SCML2: variants seen among roughly 807,000 people sequenced by gnomAD.
SCML2 encodes the protein sex comb on midleg-like protein 2.
Under a neutral mutation model 48.4 loss-of-function variants are expected in SCML2, and 6 were observed. The observed-to-expected ratio is 0.12, with a 90% CI of 0.07 to 0.24. SCML2 has a LOEUF of 0.24. Ranked by LOEUF, SCML2 falls within the 10% of genes least tolerant of loss-of-function variation. The pLI is 1.00. For synonymous variants in SCML2, 181 were observed against 189.5 expected (o/e 0.95, Z 0.37); for missense variants, 377 against 528.2 (o/e 0.71, Z 2.81).
At position 18,354,656 on chromosome X, in the gene SCML2, T is replaced by C. The variant is rs1207266946; in HGVS notation, c.-89A>G. On this transcript the variant is annotated 5_prime_UTR_variant, in exon 1 of 15. Transcript: ENST00000251900. The stretch of plus-strand genomic sequence containing the variant: ...CCGATCGCGCGAGCCGGCACCGAGC[T>C]TCACACCGCCGCCGCCATGTTTGAG... 3.5e-6 allele frequency: 1 copy of C among 285,991 alleles called. No homozygotes were observed. Among genetic ancestry groups the C allele is most frequent in the Non-Finnish European group, 6.1e-6 (1 of 163,412 alleles). The allele number at this position is 285,991 out of a possible 1,213,427, so 23.6% of individuals were successfully genotyped here.
chrX:18,337,525 G>A (rs1929871027), intron 1 of SCML2, among the ~76,000 whole-genome samples: 1 of 110,122 alleles, frequency 9.1e-6, no homozygotes, highest in African/African-American at 3.3e-5. Flanking sequence ...GGATAAAGCC[G>A]GGCATTACAT....
intron 1 of SCML2, among the ~76,000 whole-genome samples, chrX:18,354,136 G>A (rs1030118805): frequency 8.9e-6 from 1 of 112,631 alleles, no homozygotes; most frequent in Non-Finnish European, 1.9e-5. Flanking sequence ...CTTCCGGGCC[G>A]ACGTTTCCCT....
In SCML2 at chrX:18,339,183, G is replaced by A. The variant is rs189685144; in HGVS notation, c.-24-5088C>T. Among the ~76,000 whole-genome samples, 69 of 111,181 alleles carry A rather than the reference G, an allele frequency of 6.2e-4. 1 individual carries two copies. The highest frequency in any genetic ancestry group is 2.2e-3 in the Admixed American group (23 of 10,369). On this transcript the variant is annotated intron_variant, in intron 1 of 14. Transcript: ENST00000251900. ...AAAGAGTTGTTGCTTAACAAAACAG[G>A]AACTCTAAATTAAATTGCTCTTATA...
chrX:18,275,310 G>C (rs948299608), intron 7 of SCML2, among the ~76,000 whole-genome samples: 2 of 112,210 alleles, frequency 1.8e-5, no homozygotes, highest in African/African-American at 6.5e-5. Context: ...CACTCTTTCT[G>C]TCTTCACAGA....
intron 7 of SCML2, among the ~76,000 whole-genome samples, chrX:18,294,081 T>C (rs1336055059): frequency 8.9e-6 from 1 of 111,744 alleles, no homozygotes; most frequent in African/African-American, 3.3e-5. Context: ...ATGCTAAATA[T>C]GTGGGTAAAT....
At chrX:18,287,920 A>G (rs1200828281) in intron 7 of SCML2, among the ~76,000 whole-genome samples, 1 of 111,600 alleles carries the variant, frequency 9.0e-6, no homozygotes, top group Non-Finnish European at 1.9e-5. Flanking sequence ...TATGAAGACT[A>G]TTTTATTTCA....
chrX:18,252,634 T>C (rs768361226), intron 11 of SCML2, among the ~76,000 whole-genome samples: 2 of 112,708 alleles, frequency 1.8e-5, no homozygotes, highest in Non-Finnish European at 3.7e-5. Flanking sequence ...ATAGCAGTCA[T>C]AGGAACTAAT....
At position 18,252,955 on chromosome X, in the gene SCML2, C is replaced by T. The variant is rs140975055; in HGVS notation, c.1456+3893G>A. ...GGCACGCTGAAATCTCTCACAGTCT[C>T]ATGATGCTTAAGAAATAAAGACCCA... On this transcript the variant is annotated intron_variant, in intron 11 of 14. Transcript: ENST00000251900. Among the ~76,000 whole-genome samples, 505 of 111,827 alleles carry T rather than the reference C, an allele frequency of 4.5e-3. 2 individuals carry two copies. Among genetic ancestry groups the T allele is most frequent in the South Asian group, 0.01 (27 of 2,662 alleles).
At chrX:18,297,440 G>A (rs1374261212) in intron 7 of SCML2, among the ~76,000 whole-genome samples, 1 of 111,676 alleles carries the variant, frequency 9.0e-6, no homozygotes, top group Non-Finnish European at 1.9e-5. Context: ...ATTGTGCCTC[G>A]TGGGCTGGCT....
chrX:18,291,629 G>A (rs1016707303), intron 7 of SCML2, among the ~76,000 whole-genome samples: 12 of 111,185 alleles, frequency 1.1e-4, no homozygotes, highest in Admixed American at 6.7e-4. Context: ...TAATTATAAA[G>A]TTTTAAGTGC....
At chrX:18,266,748 G>A (rs981397108) in intron 7 of SCML2, among the ~76,000 whole-genome samples, 1 of 111,912 alleles carries the variant, frequency 8.9e-6, no homozygotes, top group African/African-American at 3.2e-5. Flanking sequence ...CAAAGACTAT[G>A]TACATGTAAA....
intron 8 of SCML2, among the ~76,000 whole-genome samples, chrX:18,263,673 T>C (rs188458492): frequency 4.6e-4 from 52 of 112,105 alleles, no homozygotes; most frequent in African/African-American, 1.6e-3. Context: ...ATAAATTATA[T>C]GAAGAAAACT....
chrX:18,338,931 AAAAG>A (rs1319432848), intron 1 of SCML2, among the ~76,000 whole-genome samples: 4 of 97,831 alleles, frequency 4.1e-5, no homozygotes, highest in Middle Eastern at 5.7e-3. Context: ...AAAAAAAAAA[AAAAG>A]AAAGAAAAGA....
At chrX:18,336,424 C>T (rs1179900006) in intron 1 of SCML2, among the ~76,000 whole-genome samples, 1 of 79,880 alleles carries the variant, frequency 1.3e-5, no homozygotes, top group African/African-American at 5.1e-5. Flanking sequence ...GGCGAAAGAG[C>T]GAGACTCGGT....
chrX:18,271,558 A>C (rs1351389060), intron 7 of SCML2, among the ~76,000 whole-genome samples: 1 of 110,025 alleles, frequency 9.1e-6, no homozygotes, highest in Non-Finnish European at 1.9e-5. Context: ...TTTAGAAAAA[A>C]AAAATCAGAT....
At chrX:18,293,153 G>T (rs1196121710) in intron 7 of SCML2, among the ~76,000 whole-genome samples, 1 of 111,387 alleles carries the variant, frequency 9.0e-6, no homozygotes, top group African/African-American at 3.3e-5. Flanking sequence ...AAATTAGAAT[G>T]AAAAATAATT....
intron 3 of SCML2, among the ~76,000 whole-genome samples, chrX:18,327,141 G>T (rs1929505951): frequency 9.1e-6 from 1 of 110,103 alleles, no homozygotes; most frequent in Non-Finnish European, 1.9e-5. Flanking sequence ...AGGCCGAGGT[G>T]GGCAGATCAC....
At chrX:18,337,228 G>A (rs1929849612) in intron 1 of SCML2, among the ~76,000 whole-genome samples, 1 of 103,327 alleles carries the variant, frequency 9.7e-6, no homozygotes. Context: ...CTTGAACATG[G>A]GAGGTGGAGG....
At chrX:18,352,717 A>G (rs1406668761) in intron 1 of SCML2, among the ~76,000 whole-genome samples, 4 of 112,155 alleles carry the variant, frequency 3.6e-5, no homozygotes, top group African/African-American at 6.5e-5. Context: ...TCATAAATCA[A>G]AAGGACTGAT....
Sources: allele counts gnomAD v4.1 joint callset (sites outside exome capture counted in the v4.1 genomes callset), GRCh38; gene constraint gnomAD v4.1.1; transcripts MANE v1.5; gene names NCBI Gene and HGNC (gene_info 2026-07-23, HGNC 2026-07-21).